The following PCDHGA8 variants were observed in gnomAD, a reference collection of about 807,000 sequenced individuals.
PCDHGA8 encodes the protein protocadherin gamma-A8.
PCDHGA8 carries 45 observed loss-of-function variants against 59.2 expected under a neutral mutation model. The ratio of observed to expected loss-of-function variants is 0.76; its 90% confidence interval spans 0.60 to 0.98. PCDHGA8 has a LOEUF of 0.98. Among genes scored for constraint, PCDHGA8 ranks in the 50% least tolerant of loss-of-function variants. PCDHGA8 has a pLI of 0.00. For synonymous variants in PCDHGA8, 531 were observed against 519.0 expected (o/e 1.02, Z -0.32); for missense variants, 1,257 against 1,196.2 (o/e 1.05, Z -0.75).
At position 141,477,100 on chromosome 5, in the gene PCDHGA8, C is replaced by A. The variant is rs970613825; in HGVS notation, c.2425-17707C>A. On this transcript the variant is annotated intron_variant, in intron 1 of 3. Transcript: ENST00000398604. This position sits in a 1 kb window ranked among gnomAD's most constrained non-coding sequence, Gnocchi z 4.9. ...TTTACATCCAGGCCAAAGACAAGGGCGCCAATCCCGAAGGAGCACATTGCA... is the reference window on the plus strand; with the variant it reads ...TTTACATCCAGGCCAAAGACAAGGGAGCCAATCCCGAAGGAGCACATTGCA... 1 of 1,614,216 alleles carries A rather than the reference C, an allele frequency of 6.2e-7. No homozygotes were observed. Among genetic ancestry groups the A allele is most frequent in the Non-Finnish European group, 8.5e-7 (1 of 1,180,040 alleles).
At chr5:141,398,949 C>T (rs749860900) in intron 1 of PCDHGA8, 1 of 1,613,948 alleles carries the variant, frequency 6.2e-7, no homozygotes, top group Non-Finnish European at 8.5e-7. Flanking sequence ...AGGGCATCAA[C>T]TCAGAAATTA....
At chr5:141,414,358 C>T (rs1414747968) in intron 1 of PCDHGA8, 1 of 1,613,818 alleles carries the variant, frequency 6.2e-7, no homozygotes, top group Non-Finnish European at 8.5e-7. Context: ...GGCGTATCTA[C>T]CATTTAAATT....
chr5:141,476,584 C>T lies in PCDHGA8; in HGVS notation c.2425-18223C>T. 6.2e-7 allele frequency: 1 copy of T among 1,614,218 alleles called. No individual in the cohort carries two copies. The highest frequency in any genetic ancestry group is 8.5e-7 in the Non-Finnish European group (1 of 1,180,042). ...TGGCTCCGGGGACGCGCTTTCCGCTCGAGAGCGCGCACGATCCCGATGTGG... is the reference window on the plus strand; with the variant it reads ...TGGCTCCGGGGACGCGCTTTCCGCTTGAGAGCGCGCACGATCCCGATGTGG... On this transcript the variant is annotated intron_variant, in intron 1 of 3. Coordinates refer to ENST00000398604, the MANE Select transcript of PCDHGA8 (RefSeq NM_032088.2). The surrounding 1 kb of genome is among the most constrained non-coding windows in gnomAD (Gnocchi z 7.6).
chr5:141,457,410 C>G (rs746966828), intron 1 of PCDHGA8, among the ~76,000 whole-genome samples: 1 of 152,182 alleles, frequency 6.6e-6, no homozygotes, highest in Non-Finnish European at 1.5e-5. Context: ...TTTCACATTA[C>G]CCATCCCTTT....
At chr5:141,478,845 A>G in intron 1 of PCDHGA8, 2 of 1,389,784 alleles carry the variant, frequency 1.4e-6, no homozygotes, top group Non-Finnish European at 9.5e-7. Flanking sequence ...TGGTTAAGCT[A>G]AAACACAAGA....
At chr5:141,397,706 T>G (rs2093559040) in intron 1 of PCDHGA8, among the ~76,000 whole-genome samples, 1 of 152,246 alleles carries the variant, frequency 6.6e-6, no homozygotes, top group African/African-American at 2.4e-5. Flanking sequence ...CAACGTGATA[T>G]TTCTAACAAT....
rs1029237740 is a variant in PCDHGA8, at chr5:141,500,358, A to G, written c.2484-5035A>G. ...AGAATAGCTGGGACTACAGGCGCCC[A>G]CTACCACGCCCGGCTAATTATTTTG... On this transcript the variant is annotated intron_variant, in intron 2 of 3. Coordinates refer to ENST00000398604, the MANE Select transcript of PCDHGA8 (RefSeq NM_032088.2). Among the ~76,000 whole-genome samples, 5 of 151,706 alleles carry G rather than the reference A, an allele frequency of 3.3e-5. No homozygotes were observed. In the South Asian group the frequency reaches 6.3e-4, roughly 19 times the overall value.
In PCDHGA8 at chr5:141,490,211, ACCAGGGACAG is replaced by A. The variant is rs1259297201; in HGVS notation, c.2425-4593_2425-4584del. 1 of 1,614,212 alleles carries A rather than the reference ACCAGGGACAG, an allele frequency of 6.2e-7. No individual in the cohort carries two copies. ...TATGAAATTCATGCAAGAGCCCGTG[ACCAGGGACAG>A]CCTGCCATGGAGGGCCACTGTGTGA... is the stretch of plus-strand genomic sequence containing the variant. On this transcript the variant is annotated intron_variant, in intron 1 of 3. Transcript: ENST00000398604. The surrounding 1 kb of genome is among the most constrained non-coding windows in gnomAD (Gnocchi z 5.4).
chr5:141,432,413 G>T lies in PCDHGA8; in HGVS notation c.2424+37176G>T, dbSNP rs369816901. On this transcript the variant is annotated intron_variant, in intron 1 of 3. Transcript: ENST00000398604. This position sits in a 1 kb window ranked among gnomAD's most constrained non-coding sequence, Gnocchi z 6.0. ...CAGCAACGTGTCGTTGAGCCTGTTCGTGCTGGACCAGAACGACAATGCGCC... is the reference window on the plus strand; with the variant it reads ...CAGCAACGTGTCGTTGAGCCTGTTCTTGCTGGACCAGAACGACAATGCGCC... The T allele has an allele frequency of 6.2e-7, 1 of 1,614,232 alleles. No homozygotes were observed.
chr5:141,500,294 C>T (rs755761935), intron 2 of PCDHGA8, among the ~76,000 whole-genome samples: 3 of 151,732 alleles, frequency 2.0e-5, no homozygotes, highest in Non-Finnish European at 2.9e-5. Flanking sequence ...CTGCAAGCTC[C>T]GCCTCCCAGG....
chr5:141,505,705 GAA>G (rs1250788277), intron 3 of PCDHGA8, among the ~76,000 whole-genome samples: 1 of 152,198 alleles, frequency 6.6e-6, no homozygotes, highest in Non-Finnish European at 1.5e-5. Flanking sequence ...AGCGAACAAG[GAA>G]AAGACTCATG....
chr5:141,485,454 C>T lies in PCDHGA8; in HGVS notation c.2425-9353C>T. On this transcript the variant is annotated intron_variant, in intron 1 of 3. Transcript: ENST00000398604. This position sits in a 1 kb window ranked among gnomAD's most constrained non-coding sequence, Gnocchi z 5.7. Reference sequence around the variant, plus strand: ...ATCAAGAACCCAATCGACCGAGAGGCACTGTGTGGGCTCAGTGCCAGCTGC... The same window carrying T: ...ATCAAGAACCCAATCGACCGAGAGGTACTGTGTGGGCTCAGTGCCAGCTGC... The T allele has an allele frequency of 6.2e-7, 1 of 1,614,162 alleles. No homozygotes were observed. Among genetic ancestry groups the T allele is most frequent in the East Asian group, 2.2e-5 (1 of 44,868 alleles).
At chr5:141,480,240 CAA>C (rs11374694) in intron 1 of PCDHGA8, among the ~76,000 whole-genome samples, 8 of 114,006 alleles carry the variant, frequency 7.0e-5, no homozygotes, top group Non-Finnish European at 7.5e-5. Flanking sequence ...CCTGTCTCTA[CAA>C]AAAAAAAAAA....
intron 1 of PCDHGA8, chr5:141,404,785 C>T (rs1028323734): frequency 1.9e-6 from 3 of 1,613,330 alleles, no homozygotes; most frequent in Admixed American, 1.7e-5. Context: ...TATTCAAGGC[C>T]AGTGAGCCAG....
At chr5:141,428,147 G>T (rs771536400) in intron 1 of PCDHGA8, 1 of 1,589,612 alleles carries the variant, frequency 6.3e-7, no homozygotes, top group South Asian at 1.1e-5. Flanking sequence ...GGCTGCACAC[G>T]GGAACCTGCT....
intron 1 of PCDHGA8, among the ~76,000 whole-genome samples, chr5:141,425,689 A>C (rs887583603): frequency 6.6e-6 from 1 of 152,232 alleles, no homozygotes; most frequent in African/African-American, 2.4e-5. Flanking sequence ...ACTGCATATC[A>C]TTTCATAGTG....
chr5:141,450,985 C>T (rs533993975), intron 1 of PCDHGA8, among the ~76,000 whole-genome samples: 22 of 151,876 alleles, frequency 1.4e-4, no homozygotes, highest in African/African-American at 3.9e-4. Flanking sequence ...CCACCACACC[C>T]GGCTAATTTT....
rs1248104988 is a variant in PCDHGA8, at chr5:141,409,585, G to A, written c.2424+14348G>A. 3.1e-6 allele frequency: 5 copies of A among 1,613,912 alleles called. No individual in the cohort carries two copies. The Admixed American group carries it at 5.0e-5, about 16-fold the overall frequency. ...ACCAGACGTCCTACGTGGTCCACGT[G>A]GCCGAGAACAACCCGCCAGGAGCCT... On this transcript the variant is annotated intron_variant, in intron 1 of 3. Coordinates refer to ENST00000398604, the MANE Select transcript of PCDHGA8 (RefSeq NM_032088.2).
Position 141,432,623 on chromosome 5 carries a change from C to T in PCDHGA8, c.2424+37386C>T, listed in dbSNP as rs1047752183. Reference sequence around the variant, plus strand: ...GCCGGGACTCTTCTCGGTGGGTCTGCACACGGGCGAGGTGCGCACGGCGCG... The same window carrying T: ...GCCGGGACTCTTCTCGGTGGGTCTGTACACGGGCGAGGTGCGCACGGCGCG... On this transcript the variant is annotated intron_variant, in intron 1 of 3. Coordinates refer to ENST00000398604, the MANE Select transcript of PCDHGA8 (RefSeq NM_032088.2). The surrounding 1 kb of genome is among the most constrained non-coding windows in gnomAD (Gnocchi z 6.0). The T allele has an allele frequency of 1.2e-6, 2 of 1,613,196 alleles. No homozygotes were observed. The highest frequency in any genetic ancestry group is 2.2e-5 in the East Asian group (1 of 44,792).
Sources: allele counts gnomAD v4.1 joint callset (sites outside exome capture counted in the v4.1 genomes callset), GRCh38; gene constraint gnomAD v4.1.1; non-coding constraint Gnocchi (gnomAD v3.1); transcripts MANE v1.5; gene names NCBI Gene and HGNC (gene_info 2026-07-23, HGNC 2026-07-21).